TTC28: variants seen among roughly 807,000 people sequenced by gnomAD.
TTC28 encodes the protein tetratricopeptide repeat domain 28.
In TTC28, 61 loss-of-function variants were observed where a neutral mutation model predicts 198.0. That is an observed-to-expected ratio of 0.31 (90% CI 0.25 to 0.38). The LOEUF is 0.38. Among genes scored for constraint, TTC28 ranks in the 10% least tolerant of loss-of-function variants. The pLI, the probability that TTC28 is intolerant of heterozygous loss-of-function variation, is 1.00. For missense variants in TTC28, 2,678 were observed against 3,164.0 expected (o/e 0.85, Z 3.69); for synonymous variants, 1,171 against 1,297.8 (o/e 0.90, Z 2.10).
chr22:28,432,227 A>G (rs2037993447), intron 2 of TTC28, among the ~76,000 whole-genome samples: 2 of 151,952 alleles, frequency 1.3e-5, no homozygotes, highest in Admixed American at 1.3e-4. Flanking sequence ...TGGAGCTTGC[A>G]GTGAGCCGAG....
chr22:28,388,740 G>C (rs912079460), intron 2 of TTC28, among the ~76,000 whole-genome samples: 2 of 152,184 alleles, frequency 1.3e-5, no homozygotes, highest in Admixed American at 1.3e-4. Flanking sequence ...GGAGATTTTG[G>C]GCTGAGACAA....
At chr22:28,512,274 TATAA>T (rs2048699898) in intron 2 of TTC28, among the ~76,000 whole-genome samples, 1 of 151,944 alleles carries the variant, frequency 6.6e-6, no homozygotes, top group Non-Finnish European at 1.5e-5. Context: ...GAATGGCTAT[TATAA>T]AACAGTCAAA....
At chr22:28,281,156 A>G (rs1255257408) in intron 5 of TTC28, among the ~76,000 whole-genome samples, 1 of 152,174 alleles carries the variant, frequency 6.6e-6, no homozygotes, top group East Asian at 1.9e-4. Context: ...GGAAAATTTT[A>G]GCCACTATTT....
At chr22:28,426,836 C>CT (rs1444082668) in intron 2 of TTC28, among the ~76,000 whole-genome samples, 1 of 152,196 alleles carries the variant, frequency 6.6e-6, no homozygotes, top group Non-Finnish European at 1.5e-5. Context: ...AAAATCCATA[C>CT]TTTCATTCAA....
At chr22:28,241,115 C>A (rs1233126844) in intron 5 of TTC28, among the ~76,000 whole-genome samples, 1 of 152,132 alleles carries the variant, frequency 6.6e-6, no homozygotes, top group Non-Finnish European at 1.5e-5. Flanking sequence ...GCAGACCCCA[C>A]CTGAACCACA....
At chr22:28,412,266 C>T (rs1312782936) in intron 2 of TTC28, among the ~76,000 whole-genome samples, 1 of 152,142 alleles carries the variant, frequency 6.6e-6, no homozygotes, top group Non-Finnish European at 1.5e-5. Flanking sequence ...CCTCAGGTTG[C>T]TTAGCAGACC....
chr22:28,010,661 G>GC (rs895953747), intron 14 of TTC28, among the ~76,000 whole-genome samples: 2 of 152,158 alleles, frequency 1.3e-5, no homozygotes, highest in African/African-American at 4.8e-5. Context: ...ACTGGAGCAT[G>GC]CCCCCACCCT....
At chr22:28,634,234 G>A (rs138620553) in intron 1 of TTC28, among the ~76,000 whole-genome samples, 552 of 152,308 alleles carry the variant, frequency 3.6e-3, no homozygotes, top group Admixed American at 6.9e-3. Context: ...ATTTCTGGCC[G>A]GGAGTGGTGG....
At chr22:28,054,980 G>C (rs1267044942) in intron 12 of TTC28, among the ~76,000 whole-genome samples, 2 of 152,170 alleles carry the variant, frequency 1.3e-5, no homozygotes, top group Non-Finnish European at 2.9e-5. Context: ...TGAGTCCAGT[G>C]TGTTTCTGGA....
chr22:28,567,384 G>A (rs2049987608), intron 2 of TTC28, among the ~76,000 whole-genome samples: 1 of 142,432 alleles, frequency 7.0e-6, no homozygotes, highest in African/African-American at 2.6e-5. Context: ...GCAAGACCCT[G>A]TCTCAAAAAA....
At chr22:28,199,053 G>C (rs1925645537) in intron 5 of TTC28, among the ~76,000 whole-genome samples, 1 of 152,076 alleles carries the variant, frequency 6.6e-6, no homozygotes, top group African/African-American at 2.4e-5. Flanking sequence ...TAATACAACT[G>C]TATGTGCAAT....
At position 28,001,528 on chromosome 22, in the gene TTC28, A is replaced by G. The variant is rs754951782; in HGVS notation, c.4244T>C (p.Val1415Ala). 6.4e-7 allele frequency: 1 copy of G among 1,551,134 alleles called. No homozygotes were observed. Among genetic ancestry groups the G allele is most frequent in the African/African-American group, 1.4e-5 (1 of 73,190 alleles). ...CAGGATGAGCTGCCGGTGCCGGCCC[A>G]CGGGGCCGCTGGAGTGCATCAGGCC... The part of the protein sequence containing the change: ...EGGLMHSSGP[V>A]GRHRQLILVL... The change falls in exon 15 of 23, where the codon GTG becomes GCG. Residue 1415 changes from valine (V) to alanine (A), a missense_variant. Around this residue, in one of 8 missense-constraint regions of TTC28, gnomAD observed 727 missense variants for 861.9 expected, o/e 0.84. Coordinates refer to ENST00000397906, the MANE Select transcript of TTC28 (RefSeq NM_001145418.2).
intron 2 of TTC28, among the ~76,000 whole-genome samples, chr22:28,568,928 C>T (rs994522707): frequency 6.6e-6 from 1 of 152,060 alleles, no homozygotes; most frequent in Non-Finnish European, 1.5e-5. Context: ...AAGCAGATCA[C>T]CTGAGGTCAG....
chr22:28,422,077 T>C (rs914807147), intron 2 of TTC28, among the ~76,000 whole-genome samples: 1 of 152,134 alleles, frequency 6.6e-6, no homozygotes, highest in Non-Finnish European at 1.5e-5. Context: ...CAGTGATAAT[T>C]GTTAAAATGA....
At chr22:28,526,109 G>A (rs1247314076) in intron 2 of TTC28, among the ~76,000 whole-genome samples, 3 of 152,106 alleles carry the variant, frequency 2.0e-5, no homozygotes, top group African/African-American at 7.2e-5. Flanking sequence ...GGAAACATTT[G>A]CAATCAAATA....
intron 2 of TTC28, among the ~76,000 whole-genome samples, chr22:28,365,392 T>C (rs1335924581): frequency 6.6e-6 from 1 of 152,192 alleles, no homozygotes; most frequent in Admixed American, 6.5e-5. Context: ...TGTTAAGGTA[T>C]GCCTGTAATG....
chr22:28,001,229 C>A, intron 15 of TTC28, 145 bp downstream of exon 15: 2 of 1,091,208 alleles, frequency 1.8e-6, no homozygotes, highest in Non-Finnish European at 2.6e-6. Flanking sequence ...TCTAAAGTCA[C>A]GCTACCTGCG....
intron 2 of TTC28, among the ~76,000 whole-genome samples, chr22:28,314,541 G>A (rs1298410535): frequency 6.6e-6 from 1 of 151,988 alleles, no homozygotes; most frequent in Non-Finnish European, 1.5e-5. Flanking sequence ...ACAAAACAGA[G>A]GCCTCCTAAA....
At chr22:28,275,475 A>G in intron 5 of TTC28, among the ~76,000 whole-genome samples, 1 of 152,214 alleles carries the variant, frequency 6.6e-6, no homozygotes, top group Admixed American at 6.5e-5. Context: ...CCAGGAAGCT[A>G]GTCCAGGTTT....
Sources: allele counts gnomAD v4.1 joint callset (sites outside exome capture counted in the v4.1 genomes callset), GRCh38; gene constraint gnomAD v4.1.1; regional missense constraint gnomAD v4.1.1; transcripts MANE v1.5; gene names NCBI Gene and HGNC (gene_info 2026-07-23, HGNC 2026-07-21).